Variants in POFUT3 observed in about 807,000 individuals in gnomAD.
POFUT3 encodes GDP-fucose protein O-fucosyltransferase 3.
the POFUT3 span, among the ~76,000 whole-genome samples, chr8:33,354,217 G>C: frequency 6.6e-6 from 1 of 152,136 alleles, no homozygotes; most frequent in Non-Finnish European, 1.5e-5. Flanking sequence ...AAACAGAACC[G>C]ATAGGAGATT....
the POFUT3 span, among the ~76,000 whole-genome samples, chr8:33,318,036 A>G: frequency 6.6e-6 from 1 of 152,156 alleles, no homozygotes; most frequent in Non-Finnish European, 1.5e-5. Context: ...AATGCCTTTC[A>G]TGGTAGAATT....
At chr8:33,415,265 A>AAAAT in the POFUT3 span, among the ~76,000 whole-genome samples, 143 of 152,104 alleles carry the variant, frequency 9.4e-4, no homozygotes, top group Middle Eastern at 3.4e-3. Flanking sequence ...CTGCCTCAAA[A>AAAAT]AAATAAATAA....
chr8:33,310,899 T>G, the POFUT3 span, among the ~76,000 whole-genome samples: 2 of 152,280 alleles, frequency 1.3e-5, no homozygotes, highest in Non-Finnish European at 2.9e-5. Flanking sequence ...TAAATTTATT[T>G]TCTTATAATA....
At chr8:33,443,018 T>G in the POFUT3 span, among the ~76,000 whole-genome samples, 1 of 151,914 alleles carries the variant, frequency 6.6e-6, no homozygotes, top group Non-Finnish European at 1.5e-5. Flanking sequence ...GAGGCTGAGA[T>G]GGGGGGATCA....
At chr8:33,379,097 C>T in the POFUT3 span, among the ~76,000 whole-genome samples, 1 of 152,070 alleles carries the variant, frequency 6.6e-6, no homozygotes. Context: ...TCCCTCCCTC[C>T]CCTCCTGCTT....
At chr8:33,400,154 T>G in the POFUT3 span, among the ~76,000 whole-genome samples, 1,119 of 88,324 alleles carry the variant, frequency 0.013, no homozygotes, top group Middle Eastern at 0.022. Flanking sequence ...AAAAAGATGG[T>G]GGGGGGGTGG....
chr8:33,315,761 C>G, the POFUT3 span, among the ~76,000 whole-genome samples: 1 of 152,098 alleles, frequency 6.6e-6, no homozygotes, highest in Admixed American at 6.6e-5. Context: ...AATAAGACCT[C>G]TTTTTTTCAT....
the POFUT3 span, among the ~76,000 whole-genome samples, chr8:33,316,457 A>G: frequency 1.3e-5 from 2 of 151,988 alleles, no homozygotes; most frequent in Non-Finnish European, 2.9e-5. Context: ...ACGGTGGCTC[A>G]TACCTGTAAT....
At chr8:33,470,384 C>G in the POFUT3 span, among the ~76,000 whole-genome samples, 3 of 152,206 alleles carry the variant, frequency 2.0e-5, no homozygotes, top group South Asian at 6.2e-4. Flanking sequence ...CGTGCCACTG[C>G]ACTCCAGCCT....
chr8:33,438,827 C>G, the POFUT3 span, among the ~76,000 whole-genome samples: 3 of 152,008 alleles, frequency 2.0e-5, no homozygotes, highest in South Asian at 6.2e-4. Context: ...AATGAGAGCC[C>G]TTATAAAATC....
chr8:33,405,308 A>T, the POFUT3 span, among the ~76,000 whole-genome samples: 1 of 152,132 alleles, frequency 6.6e-6, no homozygotes, highest in Non-Finnish European at 1.5e-5. Flanking sequence ...AAAAAGGAAA[A>T]ATAGGTGAAG....
chr8:33,355,311 T>C, the POFUT3 span, among the ~76,000 whole-genome samples: 3 of 152,216 alleles, frequency 2.0e-5, no homozygotes, highest in Admixed American at 6.5e-5. Context: ...AAAGAACTCA[T>C]ATTTATATTA....
chr8:33,431,432 C>T, the POFUT3 span, among the ~76,000 whole-genome samples: 8 of 151,006 alleles, frequency 5.3e-5, no homozygotes, highest in African/African-American at 1.7e-4. Context: ...CCTGTAGTCC[C>T]AGCTACTTGG....
the POFUT3 span, among the ~76,000 whole-genome samples, chr8:33,343,105 C>T: frequency 8.8e-4 from 123 of 139,980 alleles, no homozygotes; most frequent in African/African-American, 2.9e-3. Flanking sequence ...AGCAAGACTC[C>T]GTCTAAGAAA....
the POFUT3 span, among the ~76,000 whole-genome samples, chr8:33,315,768 TC>T: frequency 7.4e-4 from 112 of 152,286 alleles, no homozygotes; most frequent in Middle Eastern, 3.4e-3. Flanking sequence ...CCTCTTTTTT[TC>T]ATTAAGCTAG....
At chr8:33,381,758 C>A in the POFUT3 span, among the ~76,000 whole-genome samples, 1 of 152,132 alleles carries the variant, frequency 6.6e-6, no homozygotes, top group Non-Finnish European at 1.5e-5. Flanking sequence ...CAGCTGGCTG[C>A]CAGTGATTAA....
chr8:33,469,720 A>G, the POFUT3 span, among the ~76,000 whole-genome samples: 1 of 152,184 alleles, frequency 6.6e-6, no homozygotes, highest in East Asian at 1.9e-4. Flanking sequence ...TAGAAACTAA[A>G]AACAAATCCA....
chr8:33,350,292 A>G, the POFUT3 span, among the ~76,000 whole-genome samples: 13 of 152,272 alleles, frequency 8.5e-5, no homozygotes, highest in African/African-American at 3.1e-4. Flanking sequence ...ACTGTGGATC[A>G]TCTGTAAGAG....
the POFUT3 span, among the ~76,000 whole-genome samples, chr8:33,334,353 G>T: frequency 6.6e-6 from 1 of 152,124 alleles, no homozygotes; most frequent in Non-Finnish European, 1.5e-5. Flanking sequence ...AAGTAGCTGG[G>T]ATTACTGGCA....
Sources: allele counts gnomAD v4.1 joint callset (sites outside exome capture counted in the v4.1 genomes callset), GRCh38; gene constraint gnomAD v4.1.1; transcripts MANE v1.5; gene names NCBI Gene and HGNC (gene_info 2026-07-23, HGNC 2026-07-21).